Variants in NDUFS4 observed in about 807,000 individuals in gnomAD.
The protein encoded by NDUFS4 is NADH dehydrogenase [ubiquinone] iron-sulfur protein 4, mitochondrial.
A neutral mutation model predicts 24.3 loss-of-function variants in NDUFS4; 28 were observed. The ratio of observed to expected loss-of-function variants is 1.15; its 90% CI spans 0.85 to 1.58. The LOEUF is 1.58. Ranked by LOEUF, NDUFS4 falls within the 40% of genes most tolerant of loss-of-function variation. The probability of loss-of-function intolerance (pLI) is 0.00; values close to 1 mark genes in which losing one functional copy is unlikely to be tolerated. For synonymous variants in NDUFS4, 93 were observed against 69.7 expected, an observed-to-expected ratio of 1.34 and a Z score of -1.67; for missense variants, 223 against 207.9, an observed-to-expected ratio of 1.07 and a Z score of -0.45.
At chr5:53,676,655 A>G (rs961407360) in intron 4 of NDUFS4, among the ~76,000 whole-genome samples, 1 of 152,210 alleles carries the variant, frequency 6.6e-6, no homozygotes, top group Non-Finnish European at 1.5e-5. Context: ...ATAGAGCACA[A>G]AAAGTATGCT....
chr5:53,602,906 A>G (rs1431287029), intron 1 of NDUFS4, among the ~76,000 whole-genome samples: 3 of 152,222 alleles, frequency 2.0e-5, no homozygotes, highest in Non-Finnish European at 4.4e-5. Flanking sequence ...GTCTAACTTA[A>G]TATTTTCATT....
rs77080558 is a variant in NDUFS4 at position 53,667,555 on chromosome 5, C to T, written c.424+8931C>T. Among the ~76,000 whole-genome samples, 1,389 of 151,428 alleles carry T rather than the reference C, an allele frequency of 9.2e-3. 16 individuals are homozygous for T. Among genetic ancestry groups the T allele is most frequent in the African/African-American group, 0.032 (1,318 of 41,358 alleles). ...TTCCACAGCATCCTCTTCCTTCTGA[C>T]TTGCCCCTCTTGGGTAGGTAAATAG... On this transcript the variant is annotated intron_variant, in intron 4 of 4. Coordinates refer to ENST00000296684, the MANE Select transcript of NDUFS4 (RefSeq NM_002495.4).
intron 2 of NDUFS4, among the ~76,000 whole-genome samples, chr5:53,640,149 G>A (rs1478536021): frequency 6.6e-6 from 1 of 151,994 alleles, no homozygotes; most frequent in Non-Finnish European, 1.5e-5. Context: ...TTGAGAGTAG[G>A]GGTACTTAAA....
chr5:53,618,257 G>A (rs562858069), intron 2 of NDUFS4, among the ~76,000 whole-genome samples: 4 of 151,270 alleles, frequency 2.6e-5, no homozygotes, highest in Admixed American at 6.7e-5. Context: ...CCTGGGTGAC[G>A]GAGTGAGACC....
At chr5:53,664,126 A>G (rs184765350) in intron 4 of NDUFS4, among the ~76,000 whole-genome samples, 9 of 152,344 alleles carry the variant, frequency 5.9e-5, no homozygotes, top group Non-Finnish European at 1.2e-4. Context: ...TTCTGGGTTG[A>G]AAATTCTTTT....
intron 3 of NDUFS4, among the ~76,000 whole-genome samples, chr5:53,657,907 AGAGT>A (rs1408089320): frequency 6.8e-6 from 1 of 147,736 alleles, no homozygotes; most frequent in Non-Finnish European, 1.5e-5. Flanking sequence ...CCTGGGCGAC[AGAGT>A]GAGAGTCCAT....
intron 4 of NDUFS4, among the ~76,000 whole-genome samples, chr5:53,668,329 C>T (rs893751974): frequency 6.6e-6 from 1 of 152,072 alleles, no homozygotes; most frequent in Non-Finnish European, 1.5e-5. Context: ...TTTTTCATTT[C>T]CCTTTTAAAT....
chr5:53,560,974 G>A (rs1281122048), intron 1 of NDUFS4, among the ~76,000 whole-genome samples: 2 of 152,140 alleles, frequency 1.3e-5, no homozygotes, highest in Admixed American at 1.3e-4. Flanking sequence ...GAGGACCTGT[G>A]GTTTTCTGGA....
At position 53,560,640 on chromosome 5, in the gene NDUFS4, T is replaced by C; in HGVS notation, c.-23T>C. The C allele has an allele frequency of 6.2e-7, 1 of 1,614,258 alleles. No homozygotes were observed. Among genetic ancestry groups the C allele is most frequent in the Non-Finnish European group, 8.5e-7 (1 of 1,180,044 alleles). ...TCCCTTGCGGTGATCCGTCCTTTCATCCTGGCGTTTGCCTGCAGCAAGATG... is the reference window on the plus strand; with the variant it reads ...TCCCTTGCGGTGATCCGTCCTTTCACCCTGGCGTTTGCCTGCAGCAAGATG... On this transcript the variant is annotated 5_prime_UTR_variant, in exon 1 of 5. Transcript: ENST00000296684.
intron 3 of NDUFS4, 51 bp from the exon 4 acceptor site, chr5:53,658,500 T>C (rs1156881336): frequency 1.6e-6 from 2 of 1,230,054 alleles, no homozygotes; most frequent in African/African-American, 3.0e-5. Flanking sequence ...TGATTTTGTT[T>C]CTCAGCTAAA....
chr5:53,616,900 A>G (rs2112473057), intron 2 of NDUFS4, among the ~76,000 whole-genome samples: 2 of 152,332 alleles, frequency 1.3e-5, no homozygotes. Context: ...GTCTTTGCAT[A>G]GGTTTTATAT....
chr5:53,603,448 G>C lies in NDUFS4; in HGVS notation c.99-4G>C. On this transcript the variant is annotated splice_region_variant and splice_polypyrimidine_tract_variant and intron_variant, in intron 1 of 4. Coordinates refer to ENST00000296684, the MANE Select transcript of NDUFS4 (RefSeq NM_002495.4). ...CTTTTTTAACTTAAAGTCTTGCACT[G>C]CAGGTCGTTGAGGACTTCCACATGG... is the stretch of plus-strand genomic sequence containing the variant. 1 of 1,609,998 alleles carries C rather than the reference G, an allele frequency of 6.2e-7. No individual in the cohort carries two copies. The highest frequency in any genetic ancestry group is 2.2e-5 in the East Asian group (1 of 44,700).
In NDUFS4 at chr5:53,683,283, C is replaced by G; in HGVS notation, c.*62C>G. 1.7e-6 allele frequency: 2 copies of G among 1,154,996 alleles called. No homozygotes were observed. The highest frequency in any genetic ancestry group is 1.2e-5 in the South Asian group (1 of 81,544). 71.5% of individuals were successfully genotyped at this position (1,154,996 alleles called of 1,614,324 possible). A position where few individuals can be genotyped will look rare whatever the true frequency, so the allele number is the denominator to read the frequency against. On this transcript the variant is annotated 3_prime_UTR_variant, in exon 5 of 5. Transcript: ENST00000296684. ...AAGTCAGCTGTGCAGTATTTATAGTCCATGTATAATAAATACATCTCTTAA... is the reference window on the plus strand; with the variant it reads ...AAGTCAGCTGTGCAGTATTTATAGTGCATGTATAATAAATACATCTCTTAA...
chr5:53,576,804 G>A (rs1749402695), intron 1 of NDUFS4, among the ~76,000 whole-genome samples: 1 of 152,102 alleles, frequency 6.6e-6, no homozygotes. Context: ...ATGTTTTATG[G>A]GTTAAACTAT....
chr5:53,669,618 G>A (rs980799514), intron 4 of NDUFS4, among the ~76,000 whole-genome samples: 54 of 151,764 alleles, frequency 3.6e-4, no homozygotes, highest in African/African-American at 1.3e-3. Context: ...TACCTTTTTT[G>A]TACTGCACTC....
At chr5:53,639,371 A>G (rs1370478064) in intron 2 of NDUFS4, among the ~76,000 whole-genome samples, 1 of 151,904 alleles carries the variant, frequency 6.6e-6, no homozygotes, top group Non-Finnish European at 1.5e-5. Context: ...TAGCTACTCT[A>G]TAGTGTATAA....
chr5:53,629,852 T>C (rs746404144), intron 2 of NDUFS4, among the ~76,000 whole-genome samples: 6 of 152,250 alleles, frequency 3.9e-5, no homozygotes, highest in Non-Finnish European at 5.9e-5. Context: ...CTGTGTCTTT[T>C]AATTGGCTCA....
chr5:53,587,817 G>A (rs567580058), intron 1 of NDUFS4, among the ~76,000 whole-genome samples: 1 of 152,220 alleles, frequency 6.6e-6, no homozygotes, highest in South Asian at 2.1e-4. Context: ...GGGCTCAAGG[G>A]ATCCACCGGC....
chr5:53,568,637 T>C (rs113951005), intron 1 of NDUFS4, among the ~76,000 whole-genome samples: 2,131 of 152,302 alleles, frequency 0.014, 52 homozygotes, highest in African/African-American at 0.048. Flanking sequence ...GAGACTCTTA[T>C]TCTTCCTTTT....
Sources: gnomAD v4.1 joint callset for allele counts (sites outside exome capture counted in the v4.1 genomes callset) on GRCh38, gnomAD v4.1.1 for gene constraint, MANE v1.5 for transcripts, NCBI Gene and HGNC (gene_info 2026-07-23, HGNC 2026-07-21) for gene names.